The following SPATA31C1 variants were observed in gnomAD, a reference collection of about 807,000 sequenced individuals.
SPATA31C1 encodes SPATA31 subfamily C member 1.
intron 2 of SPATA31C1, 71 bp from the exon 2 acceptor site, chr9:87,919,184 G>A (rs1828778674): frequency 8.2e-6 from 13 of 1,591,828 alleles, no homozygotes; most frequent in Non-Finnish European, 1.1e-5. Context: ...CGGTTCATGA[G>A]TGCAGCGTGC....
chr9:87,916,057 G>A (rs1420570110), intron 1 of SPATA31C1, among the ~76,000 whole-genome samples: 1 of 143,320 alleles, frequency 7.0e-6, no homozygotes, highest in Admixed American at 7.0e-5. Context: ...AAATTTTATA[G>A]CCACAGAGCA....
intron 2 of SPATA31C1, 52 bp from the exon 2 acceptor site, chr9:87,919,203 G>A: frequency 6.3e-7 from 1 of 1,596,800 alleles, no homozygotes; most frequent in Non-Finnish European, 8.5e-7. Flanking sequence ...GCTGCGGCTG[G>A]GGGCAGAGAG....
chr9:87,920,484 C>T lies in SPATA31C1; in HGVS notation n.874C>T, dbSNP rs576431058. 2.2e-5 allele frequency: 36 copies of T among 1,614,006 alleles called. No homozygotes were observed. The South Asian group carries it at 3.5e-4, about 16-fold the overall frequency. ...CCCAATGACCACCTCAGTCTCCTCC[C>T]TAAGTGCCTCCCAGCCACCAGAACC... is the stretch of plus-strand genomic sequence containing the variant. On this transcript the variant is annotated non_coding_transcript_exon_variant, in exon 5 of 5. Transcript: ENST00000420021.
chr9:87,922,238 G>C lies in SPATA31C1; in HGVS notation n.2628G>C, dbSNP rs1488492553. The C allele has an allele frequency of 1.9e-6, 3 of 1,613,144 alleles. No individual in the cohort carries two copies. In the East Asian group the frequency reaches 6.7e-5, roughly 36 times the overall value. Reference sequence around the variant, plus strand: ...GACAGGAGGGCAGGTGGCCATCTAAGCCCCTCACATACAGCCTCAAAGGCA... The same window carrying C: ...GACAGGAGGGCAGGTGGCCATCTAACCCCCTCACATACAGCCTCAAAGGCA... On this transcript the variant is annotated non_coding_transcript_exon_variant, in exon 5 of 5. Transcript: ENST00000420021.
chr9:87,922,505 G>A (rs1828901485), exon 5 of SPATA31C1: 1 of 1,610,724 alleles, frequency 6.2e-7, no homozygotes, highest in East Asian at 2.2e-5. Flanking sequence ...GTGAATTTGA[G>A]CCTGGAATGG....
At chr9:87,919,870 G>T in intron 3 of SPATA31C1, 46 bp from the exon 3 acceptor site, 1 of 1,604,330 alleles carries the variant, frequency 6.2e-7, no homozygotes, top group Non-Finnish European at 8.5e-7. Context: ...CCTCCTGTGA[G>T]ATCCCAAGCC....
chr9:87,921,501 C>T (rs773072063), exon 5 of SPATA31C1: 2 of 1,611,902 alleles, frequency 1.2e-6, no homozygotes, highest in Non-Finnish European at 1.7e-6. Flanking sequence ...TGAGACCCCA[C>T]AAAATCTATC....
chr9:87,920,119 G>A (rs1235740933), intron 4 of SPATA31C1, 133 bp from the exon 4 acceptor site: 7 of 1,601,880 alleles, frequency 4.4e-6, no homozygotes, highest in East Asian at 2.2e-5. Context: ...GGGGTAGCAG[G>A]AGAATTGGGT....
At chr9:87,918,760 C>CTG in intron 2 of SPATA31C1, 1 of 202,412 alleles carries the variant, frequency 4.9e-6, no homozygotes, top group South Asian at 5.7e-5. Flanking sequence ...TTGAAAATCC[C>CTG]TGTGTGTGTG....
At chr9:87,920,947 C>T in exon 5 of SPATA31C1, 1 of 1,613,096 alleles carries the variant, frequency 6.2e-7, no homozygotes, top group East Asian at 2.2e-5. Context: ...TCATCCACAC[C>T]CCAATTCCGG....
exon 5 of SPATA31C1, chr9:87,922,159 C>T (rs925119518): frequency 5.6e-6 from 9 of 1,613,170 alleles, no homozygotes; most frequent in Admixed American, 1.7e-5. Flanking sequence ...CAGAGGGCCC[C>T]GCGAGGGATC....
In SPATA31C1 at chr9:87,921,497, C is replaced by A. The variant is rs765160266; in HGVS notation, n.1887C>A. 7 of 1,611,700 alleles carry A rather than the reference C, an allele frequency of 4.3e-6. No homozygotes were observed. The Admixed American group carries it at 6.7e-5, about 15-fold the overall frequency. ...ATCTGGGGCAAATTCTGGGTGAGAC[C>A]CCACAAAATCTATCCAGGGGCATGG... On this transcript the variant is annotated non_coding_transcript_exon_variant, in exon 5 of 5. Transcript: ENST00000420021.
intron 1 of SPATA31C1, among the ~76,000 whole-genome samples, chr9:87,915,976 T>TA (rs1485850862): frequency 7.0e-6 from 1 of 142,160 alleles, no homozygotes; most frequent in Non-Finnish European, 1.6e-5. Flanking sequence ...TTGCAATAGA[T>TA]ATAGAGATTA....
chr9:87,922,128 T>C, exon 5 of SPATA31C1: 4 of 1,613,792 alleles, frequency 2.5e-6, no homozygotes, highest in Non-Finnish European at 3.4e-6. Flanking sequence ...TCAGGCCTCC[T>C]CACCTGCATG....
chr9:87,920,388 G>C, exon 5 of SPATA31C1: 1 of 1,613,950 alleles, frequency 6.2e-7, no homozygotes. Flanking sequence ...TGCTCCCATT[G>C]TCTCCCCGTT....
exon 5 of SPATA31C1, chr9:87,920,772 G>A: frequency 6.2e-7 from 1 of 1,613,952 alleles, no homozygotes; most frequent in Non-Finnish European, 8.5e-7. Flanking sequence ...AAACAGTCAA[G>A]TTTCTGCCCT....
chr9:87,921,462 C>T (rs1355798085), exon 5 of SPATA31C1: 2 of 1,611,630 alleles, frequency 1.2e-6, no homozygotes, highest in East Asian at 4.5e-5. Context: ...AGAGAGGGAC[C>T]CATGCCCACA....
At chr9:87,923,558 A>G, downstream of SPATA31C1, 2 of 1,153,180 alleles carry the variant, frequency 1.7e-6, no homozygotes, top group East Asian at 2.6e-5. Flanking sequence ...AAAACAAGTC[A>G]CCAAGAAAAA....
In SPATA31C1 at chr9:87,920,133, C is replaced by CAGGGTGTGGCGTGGTGGAG. The variant is rs1379845626; in HGVS notation, n.642-99_642-81dup. On this transcript the variant is annotated intron_variant and non_coding_transcript_variant, in intron 4 of 4. Transcript: ENST00000420021. ...AGGGGTAGCAGGAGAATTGGGTGGTCAGGGTGTGGCGTGGTGGAGAGGGTG... is the reference window on the plus strand; with the variant it reads ...AGGGGTAGCAGGAGAATTGGGTGGTCAGGGTGTGGCGTGGTGGAGAGGGTGTGGCGTGGTGGAGAGGGTG... 323 of 1,599,052 alleles carry CAGGGTGTGGCGTGGTGGAG rather than the reference C, an allele frequency of 2.0e-4. No homozygotes were observed. In the Middle Eastern group the frequency reaches 2.9e-3, roughly 14 times the overall value.
Sources: gnomAD v4.1 joint callset for allele counts (sites outside exome capture counted in the v4.1 genomes callset) on GRCh38, gnomAD v4.1.1 for gene constraint, MANE v1.5 for transcripts, NCBI Gene and HGNC (gene_info 2026-07-23, HGNC 2026-07-21) for gene names.